Variants in MAF observed in about 807,000 individuals in gnomAD.
MAF encodes the protein MAF bZIP transcription factor.
In MAF, 10 loss-of-function variants were observed where a neutral mutation model predicts 22.0. That is an observed-to-expected ratio of 0.45 (90% CI 0.28 to 0.77). MAF has a LOEUF of 0.77. Ranked by LOEUF, MAF falls within the 30% of genes least tolerant of loss-of-function variation. The pLI is 0.12. For synonymous variants in MAF, 337 were observed against 255.8 expected (o/e 1.32, Z -3.03); for missense variants, 544 against 548.4 (o/e 0.99, Z 0.08).
At chr16:79,268,345 C>A in the MAF span, among the ~76,000 whole-genome samples, 1 of 152,140 alleles carries the variant, frequency 6.6e-6, no homozygotes, top group African/African-American at 2.4e-5. Context: ...GAGTCTTTTG[C>A]TCCTGGCTGC....
At chr16:79,509,114 C>T in the MAF span, among the ~76,000 whole-genome samples, 8 of 152,306 alleles carry the variant, frequency 5.3e-5, 1 homozygote, top group South Asian at 4.1e-4. Flanking sequence ...GGGGCTTTTA[C>T]CCTGGACACA....
chr16:79,253,122 A>G, the MAF span, among the ~76,000 whole-genome samples: 1 of 152,210 alleles, frequency 6.6e-6, no homozygotes, highest in African/African-American at 2.4e-5. Context: ...AAACCAGTGT[A>G]CTGCCCTTCT....
chr16:79,279,242 C>G, the MAF span, among the ~76,000 whole-genome samples: 1 of 152,144 alleles, frequency 6.6e-6, no homozygotes, highest in Non-Finnish European at 1.5e-5. Context: ...CATGTGGGGT[C>G]CTAGTCAGCT....
At chr16:79,358,942 C>T in the MAF span, among the ~76,000 whole-genome samples, 1 of 152,136 alleles carries the variant, frequency 6.6e-6, no homozygotes, top group African/African-American at 2.4e-5. Context: ...GTACAGGCCA[C>T]CCCTGGCTGC....
the MAF span, among the ~76,000 whole-genome samples, chr16:79,318,978 C>CA: frequency 0.063 from 9,621 of 152,176 alleles, 635 homozygotes; most frequent in African/African-American, 0.17. Context: ...AATTGAGAGG[C>CA]AAAAATAAAA....
At chr16:79,395,273 G>A in the MAF span, among the ~76,000 whole-genome samples, 1 of 152,194 alleles carries the variant, frequency 6.6e-6, no homozygotes, top group Admixed American at 6.5e-5. Flanking sequence ...AACAGAAAGG[G>A]TTATCTCCAG....
chr16:79,227,317 C>T, the MAF span, among the ~76,000 whole-genome samples: 1 of 152,180 alleles, frequency 6.6e-6, no homozygotes, highest in African/African-American at 2.4e-5. Flanking sequence ...TGCCACTGCA[C>T]TCTAGCCTGG....
chr16:79,268,809 T>G, the MAF span, among the ~76,000 whole-genome samples: 1 of 152,190 alleles, frequency 6.6e-6, no homozygotes. Flanking sequence ...GCAGCCAACA[T>G]CATGCACACA....
chr16:79,585,487 G>T (rs1912781150), downstream of MAF, among the ~76,000 whole-genome samples: 1 of 151,992 alleles, frequency 6.6e-6, no homozygotes, highest in South Asian at 2.1e-4. Context: ...TAGTTTCACA[G>T]ATTCACCCAA....
At chr16:79,381,833 G>C in the MAF span, among the ~76,000 whole-genome samples, 4 of 152,204 alleles carry the variant, frequency 2.6e-5, no homozygotes, top group African/African-American at 4.8e-5. Flanking sequence ...CCACAGAGTG[G>C]ATATGCTGTG....
chr16:79,365,807 T>C, the MAF span, among the ~76,000 whole-genome samples: 1 of 152,330 alleles, frequency 6.6e-6, no homozygotes, highest in Non-Finnish European at 1.5e-5. Context: ...CGAGGTGCCA[T>C]GTTCCTTCAA....
At chr16:79,397,738 C>T in the MAF span, among the ~76,000 whole-genome samples, 1,690 of 152,230 alleles carry the variant, frequency 0.011, 33 homozygotes, top group African/African-American at 0.039. Flanking sequence ...GCATTGCTAT[C>T]CTTGGGGCCA....
chr16:79,444,415 A>G, the MAF span, among the ~76,000 whole-genome samples: 2 of 152,228 alleles, frequency 1.3e-5, no homozygotes, highest in Non-Finnish European at 2.9e-5. Context: ...GGACAGGTAC[A>G]TTCCAAAGCA....
chr16:79,332,247 A>C, the MAF span, among the ~76,000 whole-genome samples: 1 of 152,186 alleles, frequency 6.6e-6, no homozygotes, highest in Non-Finnish European at 1.5e-5. Context: ...ATGTCATTTA[A>C]TCCTAACTGC....
chr16:79,596,466 A>G, intron 1 of MAF: 1 of 1,051,716 alleles, frequency 9.5e-7, no homozygotes, highest in Non-Finnish European at 1.1e-6. Context: ...ACACTAAGAA[A>G]CTGAGTACAG....
At chr16:79,318,539 C>T in the MAF span, among the ~76,000 whole-genome samples, 139 of 152,280 alleles carry the variant, frequency 9.1e-4, no homozygotes, top group Middle Eastern at 6.8e-3. Flanking sequence ...AAAGCGTTCC[C>T]GAAACTACAT....
chr16:79,210,268 G>A, the MAF span, among the ~76,000 whole-genome samples: 12,140 of 152,158 alleles, frequency 0.08, 719 homozygotes, highest in African/African-American at 0.16. Flanking sequence ...ACCCAAGTCT[G>A]CCTTATGGCA....
chr16:79,219,587 T>C, the MAF span, among the ~76,000 whole-genome samples: 3 of 148,456 alleles, frequency 2.0e-5, 1 homozygote, highest in Non-Finnish European at 4.4e-5. Context: ...GACTCACAGC[T>C]TTTGAAGTGA....
At chr16:79,448,475 G>C in the MAF span, among the ~76,000 whole-genome samples, 2 of 151,608 alleles carry the variant, frequency 1.3e-5, no homozygotes, top group African/African-American at 2.4e-5. Context: ...ACCTGGGCTG[G>C]AGTACGGTGG....
Sources: gnomAD v4.1 joint callset for allele counts (sites outside exome capture counted in the v4.1 genomes callset) on GRCh38, gnomAD v4.1.1 for gene constraint, MANE v1.5 for transcripts, NCBI Gene and HGNC (gene_info 2026-07-23, HGNC 2026-07-21) for gene names.